The following WDFY4 variants were observed in gnomAD, a reference collection of about 807,000 sequenced individuals.
The protein encoded by WDFY4 is WD repeat- and FYVE domain-containing protein 4.
In WDFY4, 169 loss-of-function variants were observed where a neutral mutation model predicts 351.9. That is an observed-to-expected ratio of 0.48 (90% CI 0.42 to 0.55). WDFY4 has a LOEUF of 0.55. WDFY4 is among the 20% of genes least tolerant of loss of function. The probability of loss-of-function intolerance (pLI) is 0.00; values close to 1 mark genes in which losing one functional copy is unlikely to be tolerated. For missense variants in WDFY4, 3,803 were observed against 3,935.6 expected, an observed-to-expected ratio of 0.97 and a Z score of 0.90; for synonymous variants, 1,622 against 1,574.6, an observed-to-expected ratio of 1.03 and a Z score of -0.71.
chr10:48,926,768 T>C (rs1441544951), intron 47 of WDFY4, among the ~76,000 whole-genome samples: 1 of 152,190 alleles, frequency 6.6e-6, no homozygotes, highest in African/African-American at 2.4e-5. Context: ...AGCTTGGTAA[T>C]TGACAATGAA....
intron 39 of WDFY4, among the ~76,000 whole-genome samples, chr10:48,833,411 A>T (rs2068266890): frequency 6.6e-6 from 1 of 152,114 alleles, no homozygotes; most frequent in African/African-American, 2.4e-5. Context: ...GCTTCCTTAC[A>T]GCATGGTAGC....
intron 47 of WDFY4, among the ~76,000 whole-genome samples, chr10:48,919,915 A>G (rs565986695): frequency 6.6e-6 from 1 of 152,324 alleles, no homozygotes; most frequent in Non-Finnish European, 1.5e-5. Flanking sequence ...TTCTGATGTC[A>G]GCATTACCCT....
At chr10:48,783,192 A>T (rs552385448) in intron 19 of WDFY4, among the ~76,000 whole-genome samples, 1 of 152,176 alleles carries the variant, frequency 6.6e-6, no homozygotes. Context: ...AACTGCATGG[A>T]TACTCAAGTC....
At chr10:48,932,030 G>A (rs545324427) in intron 47 of WDFY4, among the ~76,000 whole-genome samples, 2 of 152,338 alleles carry the variant, frequency 1.3e-5, no homozygotes, top group South Asian at 4.1e-4. Context: ...GAGGCAAATA[G>A]AAGTGAGCCC....
chr10:48,773,946 G>T (rs2065946199), intron 13 of WDFY4, among the ~76,000 whole-genome samples: 2 of 152,124 alleles, frequency 1.3e-5, no homozygotes, highest in African/African-American at 2.4e-5. Context: ...AAGCCAAGCT[G>T]GGGGGGATGT....
At chr10:48,820,937 T>C (rs907122422) in intron 33 of WDFY4, 125 bp from the exon 34 acceptor site, 6 of 675,338 alleles carry the variant, frequency 8.9e-6, no homozygotes, top group East Asian at 8.3e-5. Flanking sequence ...GAAGGGAAAA[T>C]TGTGAGCAGC....
chr10:48,908,735 T>C (rs1837761022), intron 47 of WDFY4, among the ~76,000 whole-genome samples: 1 of 152,182 alleles, frequency 6.6e-6, no homozygotes, highest in Non-Finnish European at 1.5e-5. Context: ...ATGGTTACAT[T>C]TTATATAGCT....
intron 43 of WDFY4, among the ~76,000 whole-genome samples, chr10:48,886,802 G>T (rs893651018): frequency 6.6e-6 from 1 of 152,166 alleles, no homozygotes; most frequent in Non-Finnish European, 1.5e-5. Flanking sequence ...AGCTAGCTGT[G>T]GCTACTTTCT....
rs897077555 is a variant in WDFY4, at chr10:48,759,937, T to A, written c.2460-410T>A. Among the ~76,000 whole-genome samples the A allele has an allele frequency of 2.0e-5, 3 of 152,136 alleles. No homozygotes were observed. In the South Asian group the frequency reaches 6.2e-4, roughly 32 times the overall value. On this transcript the variant is annotated intron_variant, in intron 12 of 61. Coordinates refer to ENST00000325239, the MANE Select transcript of WDFY4 (RefSeq NM_001394531.1). Reference sequence around the variant, plus strand: ...CGGTATTCAGGGGGTGGGACAGAGCTGAGTGTGCTTACACCATTTTGAAGG... The same window carrying A: ...CGGTATTCAGGGGGTGGGACAGAGCAGAGTGTGCTTACACCATTTTGAAGG...
Position 48,743,065 on chromosome 10 carries a change from G to A in WDFY4, c.1976G>A (p.Gly659Asp). 1 of 1,551,620 alleles carries A rather than the reference G, an allele frequency of 6.4e-7. No homozygotes were observed. Among genetic ancestry groups the A allele is most frequent in the Non-Finnish European group, 8.7e-7 (1 of 1,146,990 alleles). The change falls in exon 12 of 62, where the codon GGC (glycine) becomes GAC (aspartate). Residue 659 changes from glycine (G) to aspartate (D), a missense_variant. Gly to Asp is a moderately conservative substitution (Grantham distance 94). Around this residue, in one of 3 missense-constraint regions of WDFY4, gnomAD observed 3,054 missense variants for 3,148.6 expected, o/e 0.97. Transcript: ENST00000325239. The part of the protein sequence containing the change: ...GLLSLLSDLE[G>D]SLQEPPLQAW... ...CTGTCTCTGCTCTCTGACCTGGAAGGCTCCCTCCAGGAGCCCCCGCTGCAG... is the reference window on the plus strand; with the variant it reads ...CTGTCTCTGCTCTCTGACCTGGAAGACTCCCTCCAGGAGCCCCCGCTGCAG...
chr10:48,731,293 C>A lies in WDFY4; in HGVS notation c.1313C>A (p.Pro438His), dbSNP rs35365900. 360 of 1,551,904 alleles carry A rather than the reference C, an allele frequency of 2.3e-4. 2 individuals carry two copies. The highest frequency in any genetic ancestry group is 2.0e-3 in the Middle Eastern group (12 of 5,990). Residue 438 changes from proline to histidine, a missense_variant, in exon 9 of 62, where the codon CCC becomes CAC. Coordinates refer to ENST00000325239, the MANE Select transcript of WDFY4 (RefSeq NM_001394531.1). ...ATCTCGCAGTTTGTAGAGATCATGC[C>A]CCTGAAGCCGGCCCCAGTGCAGGAA... ...QPISQFVEIM[P>H]LKPAPVQEHF...
intron 38 of WDFY4, 131 bp from the exon 39 acceptor site, chr10:48,832,442 G>T (rs373534751): frequency 6.4e-6 from 7 of 1,096,872 alleles, no homozygotes; most frequent in Non-Finnish European, 5.0e-6. Context: ...TTGTAGCCTG[G>T]GTTGTTTCTC....
At chr10:48,805,748 A>C (rs1351915469) in intron 26 of WDFY4, among the ~76,000 whole-genome samples, 1 of 152,236 alleles carries the variant, frequency 6.6e-6, no homozygotes, top group African/African-American at 2.4e-5. Context: ...CCTGAAGAGC[A>C]GTCCCAGCCA....
Position 48,787,867 on chromosome 10 carries a change from CTTTCTTCT to C in WDFY4, c.3809-660_3809-653del, listed in dbSNP as rs1565197947. On this transcript the variant is annotated intron_variant, in intron 20 of 61. Coordinates refer to ENST00000325239, the MANE Select transcript of WDFY4 (RefSeq NM_001394531.1). The stretch of plus-strand genomic sequence containing the variant: ...CTTCTTCTTCTTCTTCTTTCTTCTT[CTTTCTTCT>C]TTCTTTCTTCTTCTTCTCCTTCTTC... Among the ~76,000 whole-genome samples, 828 of 105,814 alleles carry C rather than the reference CTTTCTTCT, an allele frequency of 7.8e-3. 45 individuals carry two copies. The highest frequency in any genetic ancestry group is 0.017 in the East Asian group (52 of 2,984). The allele number at this position is 105,814 out of a possible 152,430, so 69.4% of individuals were successfully genotyped here.
Position 48,709,914 on chromosome 10 carries a change from G to GC in WDFY4, c.186dup (p.Ile63HisfsTer2). The GC allele has an allele frequency of 6.4e-7, 1 of 1,552,182 alleles. No individual in the cohort carries two copies. Among genetic ancestry groups the GC allele is most frequent in the Non-Finnish European group, 8.7e-7 (1 of 1,147,098 alleles). On this transcript the variant is annotated frameshift_variant, in exon 2 of 62. Coordinates refer to ENST00000325239, the MANE Select transcript of WDFY4 (RefSeq NM_001394531.1). LOFTEE classifies it high-confidence loss of function. Reference sequence around the variant, plus strand: ...GAATACCAGCAGTTGACTCACAAGAGCCCCATTGAGCGTCAGAAGAGCCTG... The same window carrying GC: ...GAATACCAGCAGTTGACTCACAAGAGCCCCCATTGAGCGTCAGAAGAGCCTG...
At chr10:48,775,687 T>G in intron 14 of WDFY4, 25 bp from the exon 15 acceptor site, 10 of 1,545,072 alleles carry the variant, frequency 6.5e-6, no homozygotes, top group Non-Finnish European at 8.8e-6. Flanking sequence ...TGTCTTCATT[T>G]TTTCCTCTTG....
intron 54 of WDFY4, among the ~76,000 whole-genome samples, chr10:48,964,340 C>T (rs1841986659): frequency 6.6e-6 from 1 of 152,138 alleles, no homozygotes; most frequent in Admixed American, 6.5e-5. Context: ...TCGTATCTAC[C>T]CTACAGGTTT....
intron 48 of WDFY4, among the ~76,000 whole-genome samples, 151 bp downstream of exon 48, chr10:48,941,999 T>C (rs1840792821): frequency 6.6e-6 from 1 of 152,194 alleles, no homozygotes; most frequent in African/African-American, 2.4e-5. Context: ...AGTTTCACTC[T>C]TGTTGCCCAA....
chr10:48,817,522 C>T (rs1040867332), intron 32 of WDFY4, 113 bp downstream of exon 32: 3 of 1,304,568 alleles, frequency 2.3e-6, no homozygotes, highest in Non-Finnish European at 3.1e-6. Context: ...CATTTTAAGG[C>T]AACTTGAGCG....
Sources: allele counts gnomAD v4.1 joint callset (sites outside exome capture counted in the v4.1 genomes callset), GRCh38; gene constraint gnomAD v4.1.1; regional missense constraint gnomAD v4.1.1; transcripts MANE v1.5; gene names NCBI Gene and HGNC (gene_info 2026-07-23, HGNC 2026-07-21).